The following CRISPLD1 variants were observed in gnomAD, a reference collection of about 807,000 sequenced individuals.
CRISPLD1 encodes the protein cysteine-rich secretory protein LCCL domain-containing 1.
Under a neutral mutation model 77.5 loss-of-function variants are expected in CRISPLD1, and 60 were observed. The ratio of observed to expected loss-of-function variants is 0.77; its 90% CI spans 0.63 to 0.96. The LOEUF (loss-of-function observed/expected upper bound fraction) is 0.96. Ranked by LOEUF, CRISPLD1 falls within the 40% of genes least tolerant of loss-of-function variation. The probability of loss-of-function intolerance (pLI) is 0.00; values close to 1 mark genes in which losing one functional copy is unlikely to be tolerated. For missense variants in CRISPLD1, 623 were observed against 615.8 expected, an observed-to-expected ratio of 1.01 and a Z score of -0.12; for synonymous variants, 195 against 200.1, an observed-to-expected ratio of 0.97 and a Z score of 0.22.
At position 75,014,089 on chromosome 8, in the gene CRISPLD1, A is replaced by G. The variant is rs1018068248; in HGVS notation, c.613A>G (p.Asn205Asp). ...GCCCAAAGCTGTCTACCTGGTGTGC[A>G]ATTACTCCCCAAAGTGAGTAGACAA... ...IWPKAVYLVC[N>D]YSPKGNWWGH... The change falls in exon 5 of 15, where the codon AAT (asparagine) becomes GAT (aspartate). Residue 205 changes from asparagine to aspartate, a missense_variant. By Grantham distance (23) the Asn-to-Asp change is conservative. Transcript: ENST00000262207. The G allele has an allele frequency of 5.6e-6, 9 of 1,606,660 alleles. No individual in the cohort carries two copies. The highest frequency in any genetic ancestry group is 1.3e-5 in the African/African-American group (1 of 74,718).
intron 14 of CRISPLD1, among the ~76,000 whole-genome samples, chr8:75,031,635 G>C (rs527665382): frequency 6.6e-6 from 1 of 151,462 alleles, no homozygotes; most frequent in Non-Finnish European, 1.5e-5. Context: ...AGGTCTTTCA[G>C]ATTTGACCAT....
Position 75,032,174 on chromosome 8 carries a change from A to ATTT in CRISPLD1, c.1452-7_1452-5dup. On this transcript the variant is annotated splice_polypyrimidine_tract_variant and intron_variant, in intron 14 of 14. Transcript: ENST00000262207. ...GATGACATCAATATACTTTTCATAT[A>ATTT]TTTTTTTTTTTTGCAGTTTACAGAA... 2 of 1,307,064 alleles carry ATTT rather than the reference A, an allele frequency of 1.5e-6. No individual in the cohort carries two copies. The highest frequency in any genetic ancestry group is 2.0e-5 in the Admixed American group (1 of 49,820). 81.0% of individuals were successfully genotyped at this position (1,307,064 alleles called of 1,614,324 possible).
intron 13 of CRISPLD1, chr8:75,026,447 G>C (rs1813237389): frequency 6.6e-6 from 1 of 152,154 alleles, no homozygotes; most frequent in Non-Finnish European, 1.5e-5. Flanking sequence ...ACGGAGTTAA[G>C]AGTCAATGAG....
intron 2 of CRISPLD1, among the ~76,000 whole-genome samples, chr8:74,998,787 G>A (rs1217077884): frequency 6.7e-6 from 1 of 149,762 alleles, no homozygotes; most frequent in African/African-American, 2.5e-5. Context: ...GAGATTTAAA[G>A]TAGTGGTTTC....
chr8:74,998,981 T>A (rs1812690466), intron 2 of CRISPLD1, among the ~76,000 whole-genome samples: 1 of 152,088 alleles, frequency 6.6e-6, no homozygotes, highest in South Asian at 2.1e-4. Flanking sequence ...CAAGTACAGA[T>A]ACATACCAAA....
At chr8:75,013,849 T>G (rs1282311089) in intron 4 of CRISPLD1, 138 bp from the exon 5 acceptor site, 11 of 608,136 alleles carry the variant, frequency 1.8e-5, no homozygotes, top group Non-Finnish European at 2.9e-5. Context: ...AAAAAGACCC[T>G]TTTTGATTTG....
intron 4 of CRISPLD1, among the ~76,000 whole-genome samples, chr8:75,013,380 C>CATAT (rs56292472): frequency 5.4e-4 from 82 of 150,986 alleles, no homozygotes; most frequent in Non-Finnish European, 9.9e-4. Context: ...ACATGTGCAA[C>CATAT]ATATATATAT....
chr8:75,009,967 G>T (rs1485510802), intron 2 of CRISPLD1, among the ~76,000 whole-genome samples: 1 of 152,066 alleles, frequency 6.6e-6, no homozygotes, highest in Non-Finnish European at 1.5e-5. Flanking sequence ...GGCAAATAAA[G>T]TGCTTACCTG....
chr8:75,010,951 A>C (rs934763940), intron 2 of CRISPLD1, among the ~76,000 whole-genome samples: 1 of 151,964 alleles, frequency 6.6e-6, no homozygotes, highest in African/African-American at 2.4e-5. Context: ...TCACCATTGA[A>C]ATATGCATGG....
chr8:74,996,194 G>T (rs577654267), intron 2 of CRISPLD1, among the ~76,000 whole-genome samples: 1 of 151,166 alleles, frequency 6.6e-6, no homozygotes, highest in African/African-American at 2.4e-5. Flanking sequence ...TGAATTATCT[G>T]GTGAAGATAT....
chr8:75,000,248 TA>T (rs1397491274), intron 2 of CRISPLD1: 1 of 984,998 alleles, frequency 1.0e-6, no homozygotes, highest in Admixed American at 6.2e-5. Context: ...GTATCTGAAA[TA>T]GTGAATGAAT....
intron 12 of CRISPLD1, among the ~76,000 whole-genome samples, chr8:75,023,667 T>A (rs1813179883): frequency 6.6e-6 from 1 of 152,176 alleles, no homozygotes; most frequent in Non-Finnish European, 1.5e-5. Context: ...TAGAATACTT[T>A]TAGGAAAATT....
chr8:75,023,685 C>A (rs898531665), intron 12 of CRISPLD1, among the ~76,000 whole-genome samples: 1 of 152,028 alleles, frequency 6.6e-6, no homozygotes, highest in Non-Finnish European at 1.5e-5. Flanking sequence ...ATTGTTGATG[C>A]TATCATCCAC....
At chr8:75,013,091 T>G in intron 4 of CRISPLD1, 69 bp downstream of exon 4, 1 of 1,308,944 alleles carries the variant, frequency 7.6e-7, no homozygotes, top group Non-Finnish European at 1.0e-6. Context: ...GAAATTAGGC[T>G]AGTGAACTTG....
chr8:75,015,514 T>C lies in CRISPLD1; in HGVS notation c.727+602T>C, dbSNP rs941228055. Among the ~76,000 whole-genome samples the C allele has an allele frequency of 1.9e-4, 29 of 152,224 alleles. 1 individual carries two copies. The highest frequency in any genetic ancestry group is 1.6e-3 in the Admixed American group (25 of 15,268). On this transcript the variant is annotated intron_variant, in intron 6 of 14. Coordinates refer to ENST00000262207, the MANE Select transcript of CRISPLD1 (RefSeq NM_031461.6). ...TATAGCACATAAAGATAAACTGTTA[T>C]GACAAAGCTTTGTGAAAAGTCATGC...
At chr8:75,013,944 A>AT in intron 4 of CRISPLD1, 43 bp from the exon 5 acceptor site, 1 of 1,332,060 alleles carries the variant, frequency 7.5e-7, no homozygotes. Context: ...GTCCTATTTC[A>AT]TTTCAGCCTG....
intron 2 of CRISPLD1, among the ~76,000 whole-genome samples, chr8:74,999,477 C>T (rs985027631): frequency 3.9e-5 from 6 of 152,082 alleles, no homozygotes; most frequent in Non-Finnish European, 8.8e-5. Flanking sequence ...TTTAATGTGC[C>T]TATGAATCCC....
intron 12 of CRISPLD1, among the ~76,000 whole-genome samples, chr8:75,024,760 T>C (rs1236517892): frequency 1.3e-5 from 2 of 152,140 alleles, no homozygotes; most frequent in African/African-American, 4.8e-5. Flanking sequence ...AGAGTTACCA[T>C]GATTGAGGTG....
intron 14 of CRISPLD1, among the ~76,000 whole-genome samples, chr8:75,031,712 A>G (rs982055139): frequency 6.6e-6 from 1 of 151,976 alleles, no homozygotes; most frequent in Non-Finnish European, 1.5e-5. Context: ...TATGATAGCA[A>G]TGTAATTTAA....
Sources: allele counts gnomAD v4.1 joint callset (sites outside exome capture counted in the v4.1 genomes callset), GRCh38; gene constraint gnomAD v4.1.1; transcripts MANE v1.5; gene names NCBI Gene and HGNC (gene_info 2026-07-23, HGNC 2026-07-21).